The following ACSL4 variants were observed in gnomAD, a reference collection of about 807,000 sequenced individuals.
ACSL4 encodes the protein acyl-CoA synthetase long chain family member 4, also known as long-chain-fatty-acid--CoA ligase 4.
Under a neutral mutation model 49.1 loss-of-function variants are expected in ACSL4, and 9 were observed. The ratio of observed to expected loss-of-function variants is 0.18; its 90% CI spans 0.11 to 0.32. The LOEUF (loss-of-function observed/expected upper bound fraction) is 0.32. Ranked by LOEUF, ACSL4 falls within the 10% of genes least tolerant of loss-of-function variation. ACSL4 has a pLI of 1.00. For missense variants in ACSL4, 333 were observed against 493.7 expected (o/e 0.67, Z 3.08); for synonymous variants, 191 against 170.3 (o/e 1.12, Z -0.95).
chrX:109,706,335 T>C (rs1166482393), intron 1 of ACSL4, among the ~76,000 whole-genome samples: 1 of 112,225 alleles, frequency 8.9e-6, no homozygotes, highest in Admixed American at 9.5e-5. Flanking sequence ...TCAGTTATAA[T>C]TACAGCTTTA....
chrX:109,684,391 G>C (rs1473837468), intron 2 of ACSL4, among the ~76,000 whole-genome samples: 1 of 112,461 alleles, frequency 8.9e-6, no homozygotes, highest in Non-Finnish European at 1.9e-5. Flanking sequence ...TATCACACAA[G>C]ATAGATCCAG....
intron 15 of ACSL4, among the ~76,000 whole-genome samples, chrX:109,655,925 A>G (rs1921608006): frequency 9.0e-6 from 1 of 111,547 alleles, no homozygotes; most frequent in South Asian, 3.7e-4. Flanking sequence ...GGGTGAGGAC[A>G]GAATAAAAAC....
intron 2 of ACSL4, among the ~76,000 whole-genome samples, chrX:109,694,799 T>C (rs1004561323): frequency 1.8e-5 from 2 of 111,666 alleles, no homozygotes; most frequent in Non-Finnish European, 3.8e-5. Context: ...TCGGGGACTA[T>C]AGGACTAGGT....
chrX:109,647,909 A>T lies in ACSL4; in HGVS notation c.1856-3723T>A, dbSNP rs866138782. 3.2e-3 allele frequency among the ~76,000 whole-genome samples: 353 copies of T among 111,722 alleles called. 3 individuals are homozygous for T. Among genetic ancestry groups the T allele is most frequent in the African/African-American group, 0.011 (338 of 30,717 alleles). On this transcript the variant is annotated intron_variant, in intron 15 of 15. Transcript: ENST00000672401. ...TACTACAAACACCTCTACGCAAATA[A>T]ACTAGAAAATCTAGAAGAAATGGAT...
At chrX:109,665,387 T>C (rs776149298) in intron 12 of ACSL4, 33 bp downstream of exon 12, 8 of 1,147,726 alleles carry the variant, frequency 7.0e-6, no homozygotes, top group Non-Finnish European at 9.6e-6. Flanking sequence ...TCAGCATATC[T>C]TGAATCACTA....
chrX:109,677,890 C>T (rs1305139265), intron 8 of ACSL4, 98 bp downstream of exon 8: 20 of 1,122,647 alleles, frequency 1.8e-5, no homozygotes, highest in Non-Finnish European at 2.1e-5. Context: ...AAGGAGAAAG[C>T]TTTAGCTGAA....
chrX:109,646,478 T>C (rs1934706759), intron 15 of ACSL4, among the ~76,000 whole-genome samples: 1 of 107,970 alleles, frequency 9.3e-6, no homozygotes, highest in African/African-American at 3.4e-5. Context: ...TGCTGAGAGA[T>C]TTTGTCACCA....
intron 9 of ACSL4, among the ~76,000 whole-genome samples, chrX:109,671,038 G>A (rs1013021259): frequency 8.9e-6 from 1 of 112,184 alleles, no homozygotes; most frequent in South Asian, 3.7e-4. Flanking sequence ...GCCTCTGCTC[G>A]GCCGCCACCC....
chrX:109,663,454 T>C (rs748107029), intron 12 of ACSL4, 52 bp from the exon 13 acceptor site: 3 of 1,058,082 alleles, frequency 2.8e-6, no homozygotes, highest in South Asian at 3.8e-5. Context: ...ATTTCATTAA[T>C]TCTTAAAGCT....
intron 2 of ACSL4, among the ~76,000 whole-genome samples, chrX:109,688,346 G>A (rs1014698197): frequency 5.4e-5 from 6 of 111,522 alleles, no homozygotes; most frequent in Admixed American, 2.9e-4. Flanking sequence ...ATAAGGACAC[G>A]GAAGTGCTAC....
chrX:109,652,673 A>G (rs1394073796), intron 15 of ACSL4, among the ~76,000 whole-genome samples: 1 of 111,521 alleles, frequency 9.0e-6, no homozygotes, highest in East Asian at 2.8e-4. Flanking sequence ...AAAATACTAT[A>G]TATTTTTAGA....
rs1934457321 is a variant in ACSL4, at chrX:109,641,964, T to C, written c.*2065A>G. The C allele has an allele frequency of 1.8e-5, 2 of 112,408 alleles. No individual in the cohort carries two copies. Among genetic ancestry groups the C allele is most frequent in the South Asian group, 7.3e-4 (2 of 2,729 alleles). The allele number at this position is 112,408 out of a possible 1,213,427, so 9.3% of individuals were successfully genotyped here. A position where few individuals can be genotyped will look rare whatever the true frequency, so the allele number is the denominator to read the frequency against. ...ATGGATATGGAAAGATTTGTTTACATAAACATGTATATTTTTAGATGGAAA... is the reference window on the plus strand; with the variant it reads ...ATGGATATGGAAAGATTTGTTTACACAAACATGTATATTTTTAGATGGAAA... On this transcript the variant is annotated 3_prime_UTR_variant, in exon 16 of 16. Coordinates refer to ENST00000672401, the MANE Select transcript of ACSL4 (RefSeq NM_001318510.2).
intron 1 of ACSL4, among the ~76,000 whole-genome samples, chrX:109,732,386 C>A (rs779410326): frequency 9.9e-5 from 11 of 111,390 alleles, no homozygotes; most frequent in African/African-American, 3.6e-4. Flanking sequence ...GACAATGAAT[C>A]ATATTCTCCT....
intron 1 of ACSL4, among the ~76,000 whole-genome samples, chrX:109,723,244 C>T (rs1394740492): frequency 1.8e-5 from 2 of 110,806 alleles, no homozygotes; most frequent in East Asian, 5.6e-4. Flanking sequence ...TTGTATTTTG[C>T]TATAATAGTA....
intron 15 of ACSL4, among the ~76,000 whole-genome samples, chrX:109,646,524 C>T (rs1356134089): frequency 1.8e-5 from 2 of 109,326 alleles, no homozygotes. Context: ...GAAGGAAGTG[C>T]TAAACATGGA....
chrX:109,661,622 A>C lies in ACSL4; in HGVS notation c.1606T>G (p.Leu536Val), dbSNP rs1375766402. 8.4e-7 allele frequency: 1 copy of C among 1,193,581 alleles called. No individual in the cohort carries two copies. Among genetic ancestry groups the C allele is most frequent in the Non-Finnish European group, 1.1e-6 (1 of 880,952 alleles). ...AGAGATACATACTCTCCTGCTTGTA[A>C]CTTCACTAGATCTTTCTTACGATCT... ...IIDRKKDLVK[L>V]QAGEYVSLGK... The change falls in exon 14 of 16, where the codon TTA becomes GTA. Residue 536 changes from leucine to valine, a missense_variant. Physicochemically the swap from Leu to Val is conservative, Grantham distance 32. Around this residue, in one of 3 missense-constraint regions of ACSL4, gnomAD observed 175 missense variants for 275.8 expected, o/e 0.63. Transcript: ENST00000672401.
At chrX:109,721,417 G>A (rs1927538283) in intron 1 of ACSL4, among the ~76,000 whole-genome samples, 1 of 111,884 alleles carries the variant, frequency 8.9e-6, no homozygotes, top group Non-Finnish European at 1.9e-5. Context: ...CCACATTAAA[G>A]GTAATAAAAC....
rs187883765 is a variant in ACSL4 at position 109,658,623 on chromosome X, T to A, written c.1855+731A>T. The stretch of plus-strand genomic sequence containing the variant: ...CCCTTGTAGTTCCCTGCACACATCA[T>A]CCTTTTCATACCTATTTGCCTTTCT... On this transcript the variant is annotated intron_variant, in intron 15 of 15. Transcript: ENST00000672401. 1.2e-4 allele frequency among the ~76,000 whole-genome samples: 13 copies of A among 112,055 alleles called. No homozygotes were observed. In the East Asian group the frequency reaches 3.6e-3, roughly 31 times the overall value.
chrX:109,683,654 C>A (rs1924362294), intron 2 of ACSL4: 3 of 436,072 alleles, frequency 6.9e-6, no homozygotes, highest in African/African-American at 5.0e-5. Flanking sequence ...TGGAAGCCGA[C>A]AATAAAGTAC....
Sources: gnomAD v4.1 joint callset for allele counts (sites outside exome capture counted in the v4.1 genomes callset) on GRCh38, gnomAD v4.1.1 for gene constraint, gnomAD v4.1.1 regional missense constraint, MANE v1.5 for transcripts, NCBI Gene and HGNC (gene_info 2026-07-23, HGNC 2026-07-21) for gene names.